Variants in PHACTR2 observed in about 807,000 individuals in gnomAD.
PHACTR2 encodes the protein chromosome 6 open reading frame 56.
Under a neutral mutation model 76.0 loss-of-function variants are expected in PHACTR2, and 30 were observed. The observed-to-expected ratio is 0.39, with a 90% CI of 0.30 to 0.54. PHACTR2 has a LOEUF of 0.54. PHACTR2 is among the 20% of genes least tolerant of loss of function. The pLI, the probability that PHACTR2 is intolerant of heterozygous loss-of-function variation, is 0.61. For missense variants in PHACTR2, 696 were observed against 781.1 expected (o/e 0.89, Z 1.30); for synonymous variants, 292 against 292.5 (o/e 1.00, Z 0.02).
chr6:143,640,816 A>G (rs1040363670), intron 1 of PHACTR2, among the ~76,000 whole-genome samples: 2 of 152,190 alleles, frequency 1.3e-5, no homozygotes, highest in Non-Finnish European at 2.9e-5. Context: ...ATTTGAAAAA[A>G]AGACCTTTAC....
At chr6:143,812,073 G>A (rs1430070349) in intron 12 of PHACTR2, among the ~76,000 whole-genome samples, 2 of 152,086 alleles carry the variant, frequency 1.3e-5, no homozygotes, top group Admixed American at 1.3e-4. Context: ...TTGCAGATTT[G>A]GGGTGGTTAA....
rs1341330418 is a variant in PHACTR2, at chr6:143,771,158, GTATATA to G, written c.1233-1090_1233-1085del. Among the ~76,000 whole-genome samples, 83 of 14,502 alleles carry G rather than the reference GTATATA, an allele frequency of 5.7e-3. 1 individual carries two copies. The highest frequency in any genetic ancestry group is 0.012 in the African/African-American group (79 of 6,518). The allele number at this position is 14,502 out of a possible 152,430, so 9.5% of individuals were successfully genotyped here. ...TATATATATATGTATATATATATAT[GTATATA>G]TATATATATGTATATATATATATAT... is the stretch of plus-strand genomic sequence containing the variant. On this transcript the variant is annotated intron_variant, in intron 6 of 12. Coordinates refer to ENST00000440869, the MANE Select transcript of PHACTR2 (RefSeq NM_001100164.2).
At chr6:143,643,620 T>C (rs1362978611) in intron 1 of PHACTR2, among the ~76,000 whole-genome samples, 2 of 152,208 alleles carry the variant, frequency 1.3e-5, no homozygotes, top group African/African-American at 2.4e-5. Context: ...GGGCTATTAC[T>C]AGAAGTGAAC....
chr6:143,766,340 T>A (rs1779562853), intron 6 of PHACTR2, among the ~76,000 whole-genome samples: 1 of 152,260 alleles, frequency 6.6e-6, no homozygotes, highest in African/African-American at 2.4e-5. Context: ...TTGTGTCTAC[T>A]ATACTTAACC....
intron 1 of PHACTR2, among the ~76,000 whole-genome samples, chr6:143,667,916 T>C (rs1215408624): frequency 6.6e-6 from 1 of 152,298 alleles, no homozygotes; most frequent in Non-Finnish European, 1.5e-5. Flanking sequence ...TCCAATACAA[T>C]GTTGAATAGG....
In PHACTR2 at chr6:143,618,323, G is replaced by C. The variant is rs1006332751; in HGVS notation, c.13+10001G>C. On this transcript the variant is annotated intron_variant, in intron 1 of 11. Transcript: ENST00000305766. This position sits in a 1 kb window ranked among gnomAD's most constrained non-coding sequence, Gnocchi z 5.2. ...AATGAGTTTCAGATCATTTTAAATT[G>C]ATAGTGACCTTAAATATTAAAGCCT... 6.6e-6 allele frequency among the ~76,000 whole-genome samples: 1 copy of C among 151,530 alleles called. No homozygotes were observed. The highest frequency in any genetic ancestry group is 2.4e-5 in the African/African-American group (1 of 41,170).
At chr6:143,572,450 G>A (rs1027479056) in intron 1 of PHACTR2, among the ~76,000 whole-genome samples, 4 of 152,210 alleles carry the variant, frequency 2.6e-5, no homozygotes, top group African/African-American at 9.7e-5. Flanking sequence ...AATAGAATGT[G>A]TGTGAGTGTT....
chr6:143,657,168 T>G (rs1776862742), intron 1 of PHACTR2, among the ~76,000 whole-genome samples: 1 of 151,964 alleles, frequency 6.6e-6, no homozygotes, highest in Admixed American at 6.6e-5. Context: ...GGTTGATAGG[T>G]GCAGCAAATC....
At position 143,558,360 on chromosome 6, in the gene PHACTR2, T is replaced by A. The variant is rs914190199; in HGVS notation, c.217+21153T>A. On this transcript the variant is annotated intron_variant, in intron 1 of 11. Transcript: ENST00000367584. This position sits in a 1 kb window ranked among gnomAD's most constrained non-coding sequence, Gnocchi z 4.7. Reference sequence around the variant, plus strand: ...TGATAGGAGAAAAAAGATGTCTACTTTTTTGCTTCAAAATCTTCAACTCTC... The same window carrying A: ...TGATAGGAGAAAAAAGATGTCTACTATTTTGCTTCAAAATCTTCAACTCTC... Among the ~76,000 whole-genome samples, 6 of 152,192 alleles carry A rather than the reference T, an allele frequency of 3.9e-5. No individual in the cohort carries two copies. The highest frequency in any genetic ancestry group is 1.4e-4 in the African/African-American group (6 of 41,448).
chr6:143,593,926 G>T (rs1775721082), intron 1 of PHACTR2, among the ~76,000 whole-genome samples: 2 of 152,164 alleles, frequency 1.3e-5, no homozygotes, highest in African/African-American at 2.4e-5. Flanking sequence ...TTTCTCTGCT[G>T]TCCCTACTGT....
chr6:143,781,008 G>A (rs1229963937), intron 9 of PHACTR2, among the ~76,000 whole-genome samples: 1 of 152,184 alleles, frequency 6.6e-6, no homozygotes, highest in Non-Finnish European at 1.5e-5. Flanking sequence ...AGCTGTCATG[G>A]TAGCTCATGC....
In PHACTR2 at chr6:143,680,567, C is replaced by T. The variant is rs966382235; in HGVS notation, c.46+2358C>T. On this transcript the variant is annotated intron_variant, in intron 1 of 12. Coordinates refer to ENST00000440869, the MANE Select transcript of PHACTR2 (RefSeq NM_001100164.2). The surrounding 1 kb of genome is among the most constrained non-coding windows in gnomAD (Gnocchi z 4.5). The stretch of plus-strand genomic sequence containing the variant: ...CTCTAGAGCCTTTCAGTTTAGGTTG[C>T]ACCTAATTCTCTGGGTTCTAGGAAG... Among the ~76,000 whole-genome samples, 12 of 152,200 alleles carry T rather than the reference C, an allele frequency of 7.9e-5. No individual in the cohort carries two copies. The highest frequency in any genetic ancestry group is 1.3e-4 in the Admixed American group (2 of 15,280).
At chr6:143,745,703 C>CCGTGCT (rs1412562947) in intron 2 of PHACTR2, among the ~76,000 whole-genome samples, 3 of 144,028 alleles carry the variant, frequency 2.1e-5, no homozygotes, top group African/African-American at 5.0e-5. Flanking sequence ...AACATACTTT[C>CCGTGCT]CGTGCTCGGT....
intron 12 of PHACTR2, among the ~76,000 whole-genome samples, chr6:143,814,639 G>A (rs918914345): frequency 8.7e-5 from 11 of 126,000 alleles, no homozygotes; most frequent in Non-Finnish European, 3.1e-5. Context: ...GTCTCGCTCT[G>A]TCGCCCAGGC....
rs372653011 is a variant in PHACTR2 at position 143,754,711 on chromosome 6, T to G, written c.454+799T>G. Among the ~76,000 whole-genome samples the G allele has an allele frequency of 6.6e-6, 1 of 152,164 alleles. No homozygotes were observed. On this transcript the variant is annotated intron_variant, in intron 4 of 12. Coordinates refer to ENST00000440869, the MANE Select transcript of PHACTR2 (RefSeq NM_001100164.2). This position sits in a 1 kb window ranked among gnomAD's most constrained non-coding sequence, Gnocchi z 6.2. ...GGAACCTCCAAACATGAAATGAAAC[T>G]TCTAAAAGGAAAGGTTTTGTGGGGA... is the stretch of plus-strand genomic sequence containing the variant.
chr6:143,541,644 G>C lies in PHACTR2; in HGVS notation c.217+4437G>C, dbSNP rs1781171989. Among the ~76,000 whole-genome samples the C allele has an allele frequency of 6.6e-6, 1 of 152,132 alleles. No individual in the cohort carries two copies. The highest frequency in any genetic ancestry group is 2.4e-5 in the African/African-American group (1 of 41,410). ...GGCATAGGGGTAACAGCAAATCCAGGATCTTTTTCTCAAATCTTTAATTCC... is the reference window on the plus strand; with the variant it reads ...GGCATAGGGGTAACAGCAAATCCAGCATCTTTTTCTCAAATCTTTAATTCC... On this transcript the variant is annotated intron_variant, in intron 1 of 11. Coordinates refer to the PHACTR2 transcript ENST00000367584. This position sits in a 1 kb window ranked among gnomAD's most constrained non-coding sequence, Gnocchi z 5.3.
chr6:143,694,459 G>GT (rs1777724637), intron 1 of PHACTR2, among the ~76,000 whole-genome samples: 1 of 152,126 alleles, frequency 6.6e-6, no homozygotes, highest in African/African-American at 2.4e-5. Flanking sequence ...CACCTGACTG[G>GT]TTTTATAATC....
chr6:143,613,129 C>T (rs374669527), intron 1 of PHACTR2, among the ~76,000 whole-genome samples: 1 of 152,126 alleles, frequency 6.6e-6, no homozygotes, highest in Admixed American at 6.5e-5. Context: ...GGCGCCTGCC[C>T]CCATGCCCGG....
rs778193518 is a variant in PHACTR2 at position 143,760,592 on chromosome 6, C to A, written c.646C>A (p.Pro216Thr). 1.7e-5 allele frequency: 27 copies of A among 1,613,978 alleles called. No individual in the cohort carries two copies. The highest frequency in any genetic ancestry group is 9.9e-5 in the South Asian group (9 of 91,082). The change falls in exon 5 of 13, where the codon CCC becomes ACC. Residue 216 changes from proline to threonine, a missense_variant. By Grantham distance (38) the Pro-to-Thr change is conservative (BLOSUM62 -1). Coordinates refer to ENST00000440869, the MANE Select transcript of PHACTR2 (RefSeq NM_001100164.2). This position sits in a 1 kb window ranked among gnomAD's most constrained non-coding sequence, Gnocchi z 6.4. Reference sequence around the variant, plus strand: ...TACCAAGGCTCCTGGTAAGCAGGCCCCCGTCCCTCCACCCAAGCCAGCAAG... The same window carrying A: ...TACCAAGGCTCCTGGTAAGCAGGCCACCGTCCCTCCACCCAAGCCAGCAAG... Reference protein sequence around the residue: ...KNTKAPGKQAPVPPPKPASRN... With the variant: ...KNTKAPGKQATVPPPKPASRN...
Sources: gnomAD v4.1 joint callset for allele counts (sites outside exome capture counted in the v4.1 genomes callset) on GRCh38, gnomAD v4.1.1 for gene constraint, Gnocchi (gnomAD v3.1) non-coding constraint, MANE v1.5 for transcripts, NCBI Gene and HGNC (gene_info 2026-07-23, HGNC 2026-07-21) for gene names.